PROX1: variants seen among roughly 807,000 people sequenced by gnomAD.
The protein encoded by PROX1 is prospero homeobox 1, also known as prospero homeobox protein 1.
Under a neutral mutation model 58.8 loss-of-function variants are expected in PROX1, and 7 were observed. The ratio of observed to expected loss-of-function variants is 0.12; its 90% CI spans 0.07 to 0.22. The LOEUF (loss-of-function observed/expected upper bound fraction) is 0.22, where lower values mean the gene tolerates loss of function less well. PROX1 is among the 10% of genes least tolerant of loss of function. The pLI is 1.00. For synonymous variants in PROX1, 350 were observed against 358.3 expected, an observed-to-expected ratio of 0.98 and a Z score of 0.26; for missense variants, 675 against 927.8, an observed-to-expected ratio of 0.73 and a Z score of 3.54.
intron 1 of PROX1, among the ~76,000 whole-genome samples, chr1:213,989,555 G>T (rs960247682): frequency 6.6e-6 from 1 of 151,944 alleles, no homozygotes; most frequent in Non-Finnish European, 1.5e-5. Context: ...GACAGGAGAG[G>T]TGAGAGTAAT....
At chr1:214,010,285 C>T (rs1159814751) in intron 3 of PROX1, among the ~76,000 whole-genome samples, 1 of 152,154 alleles carries the variant, frequency 6.6e-6, no homozygotes, top group Non-Finnish European at 1.5e-5. Flanking sequence ...TTGGGAGAAA[C>T]ACCAGTCTCT....
Position 214,036,961 on chromosome 1 carries a change from T to C in PROX1, c.*1127T>C, listed in dbSNP as rs889293222. On this transcript the variant is annotated 3_prime_UTR_variant, in exon 5 of 5. Transcript: ENST00000366958. ...GGTGACAGTCTAACTCAGTGTTTCT[T>C]CATTTTAGGTATAACATTTTAAAGC... The C allele has an allele frequency of 6.6e-6, 1 of 152,276 alleles. No homozygotes were observed. The highest frequency in any genetic ancestry group is 6.5e-5 in the Admixed American group (1 of 15,286). The allele number at this position is 152,276 out of a possible 1,614,324, so 9.4% of individuals were successfully genotyped here. A position where few individuals can be genotyped will look rare whatever the true frequency, so the allele number is the denominator to read the frequency against.
upstream of PROX1, chr1:213,984,563 C>G (rs1369438085): frequency 1.3e-5 from 2 of 152,338 alleles, no homozygotes; most frequent in Non-Finnish European, 2.9e-5. Context: ...CACTTCCCCC[C>G]CATTCAGAAC....
Position 213,994,750 on chromosome 1 carries a change from AATAT to A in PROX1, c.-67-1669_-67-1666del, listed in dbSNP as rs66460564. ...AAAGTATTTCATTCTCAAGCATGCA[AATAT>A]ATATATATATATATATATATATATA... On this transcript the variant is annotated intron_variant, in intron 1 of 4. Coordinates refer to ENST00000366958, the MANE Select transcript of PROX1 (RefSeq NM_001270616.2). 3.8e-3 allele frequency among the ~76,000 whole-genome samples: 334 copies of A among 88,078 alleles called. 1 individual carries two copies. The highest frequency in any genetic ancestry group is 6.0e-3 in the African/African-American group (145 of 23,974). The allele number at this position is 88,078 out of a possible 152,430, so 57.8% of individuals were successfully genotyped here. A position where few individuals can be genotyped will look rare whatever the true frequency, so the allele number is the denominator to read the frequency against.
At chr1:213,984,443 A>C (rs1249763735), upstream of PROX1, 1 of 152,172 alleles carries the variant, frequency 6.6e-6, no homozygotes, top group Non-Finnish European at 1.5e-5. Flanking sequence ...GCTTCTGTTT[A>C]CTTTGAAAGC....
At position 214,035,602 on chromosome 1, in the gene PROX1, T is replaced by A. The variant is rs1307094364; in HGVS notation, c.2029-47T>A. 3.2e-6 allele frequency: 5 copies of A among 1,557,188 alleles called. No homozygotes were observed. In the South Asian group the frequency reaches 6.2e-5, roughly 19 times the overall value. On this transcript the variant is annotated intron_variant, in intron 4 of 4. Coordinates refer to ENST00000366958, the MANE Select transcript of PROX1 (RefSeq NM_001270616.2). ...CAGTTTCCTTGGAATAACTGTAGAC[T>A]TGAAACTGAAAACTTTATTAATGCC...
At chr1:213,992,724 G>A (rs1663080642) in intron 1 of PROX1, among the ~76,000 whole-genome samples, 1 of 152,120 alleles carries the variant, frequency 6.6e-6, no homozygotes, top group Non-Finnish European at 1.5e-5. Context: ...TAAAAGATTT[G>A]TCTGAACTAT....
chr1:213,988,290 C>G lies in PROX1; in HGVS notation c.-261C>G, dbSNP rs1293738254. 2 of 152,700 alleles carry G rather than the reference C, an allele frequency of 1.3e-5. No individual in the cohort carries two copies. Among genetic ancestry groups the G allele is most frequent in the East Asian group, 1.9e-4 (1 of 5,174 alleles). 9.5% of individuals were successfully genotyped at this position (152,700 alleles called of 1,614,324 possible). ...TCCCCTCTCCCTCTCCCACTCGCCC[C>G]GCTCGCTCGCTCGCTGTCGCACAGA... On this transcript the variant is annotated 5_prime_UTR_variant, in exon 1 of 5. Coordinates refer to ENST00000366958, the MANE Select transcript of PROX1 (RefSeq NM_001270616.2).
rs1239396354 is a variant in PROX1 at position 214,038,338 on chromosome 1, G to A, written c.*2504G>A. 6.6e-6 allele frequency: 1 copy of A among 151,688 alleles called. No homozygotes were observed. The highest frequency in any genetic ancestry group is 1.5e-5 in the Non-Finnish European group (1 of 67,972). The allele number at this position is 151,688 out of a possible 1,614,324, so 9.4% of individuals were successfully genotyped here. A position where few individuals can be genotyped will look rare whatever the true frequency, so the allele number is the denominator to read the frequency against. ...AATCGAAATCTTGTGCCTCCCAAGT[G>A]CATTGGAAAATGACAAAAGCCTGTC... On this transcript the variant is annotated 3_prime_UTR_variant, in exon 5 of 5. Transcript: ENST00000366958.
intron 4 of PROX1, among the ~76,000 whole-genome samples, chr1:214,028,567 T>C (rs1212035148): frequency 6.6e-6 from 1 of 152,210 alleles, no homozygotes; most frequent in Admixed American, 6.5e-5. Context: ...TTTGCAGACA[T>C]TTATTAATCA....
Position 213,997,637 on chromosome 1 carries a change from G to A in PROX1, c.1102G>A (p.Val368Ile). ...CATGTCGCAAGTTGTGGACACTGTG[G>A]TCAAAGTCTTTTCGGCCAAGCCCTC... Reference protein sequence around the residue: ...TAMSQVVDTVVKVFSAKPSRQ... With the variant: ...TAMSQVVDTVIKVFSAKPSRQ... Residue 368 changes from valine (V) to isoleucine (I), a missense_variant, in exon 2 of 5, where the codon GTC becomes ATC. This residue lies in a region of PROX1 where 403 missense variants were observed against 477.4 expected (regional missense o/e 0.84). Coordinates refer to ENST00000366958, the MANE Select transcript of PROX1 (RefSeq NM_001270616.2). The surrounding 1 kb of genome is among the most constrained non-coding windows in gnomAD (Gnocchi z 7.1). The A allele has an allele frequency of 1.2e-6, 2 of 1,614,170 alleles. No homozygotes were observed. The highest frequency in any genetic ancestry group is 1.7e-6 in the Non-Finnish European group (2 of 1,180,038).
chr1:213,987,537 A>G (rs1662854577), upstream of PROX1: 1 of 146,614 alleles, frequency 6.8e-6, no homozygotes, highest in Non-Finnish European at 1.5e-5. Context: ...GATCAGCTGT[A>G]TCTGGGAAAT....
In PROX1 at chr1:214,001,533, G is replaced by T. The variant is rs577490328; in HGVS notation, c.1725+3273G>T. 2.0e-5 allele frequency among the ~76,000 whole-genome samples: 3 copies of T among 152,148 alleles called. No individual in the cohort carries two copies. The East Asian group carries it at 5.8e-4, about 29-fold the overall frequency. On this transcript the variant is annotated intron_variant, in intron 2 of 4. Coordinates refer to ENST00000366958, the MANE Select transcript of PROX1 (RefSeq NM_001270616.2). ...AAGCACAAGAGGAGTAGTATAAGCC[G>T]TTAAGACGTGCAGGTGAAGAAATTG...
intron 4 of PROX1, chr1:214,029,167 T>G (rs1664560001): frequency 6.6e-6 from 1 of 152,212 alleles, no homozygotes; most frequent in Admixed American, 6.5e-5. Flanking sequence ...GGTGAATGAA[T>G]GCTCGGGAAA....
At chr1:214,026,241 T>C (rs1321934291) in intron 4 of PROX1, among the ~76,000 whole-genome samples, 2 of 152,218 alleles carry the variant, frequency 1.3e-5, no homozygotes, top group African/African-American at 2.4e-5. Context: ...CGACCAATAA[T>C]GTGACAATTA....
upstream of PROX1, among the ~76,000 whole-genome samples, chr1:213,983,635 A>G (rs964517866): frequency 2.0e-5 from 3 of 152,200 alleles, no homozygotes; most frequent in Non-Finnish European, 4.4e-5. Context: ...GATGGTGGGC[A>G]AGAGTGTTGT....
At chr1:214,007,919 T>C (rs1663772446) in intron 3 of PROX1, among the ~76,000 whole-genome samples, 1 of 152,228 alleles carries the variant, frequency 6.6e-6, no homozygotes, top group Non-Finnish European at 1.5e-5. Flanking sequence ...GAACAAGATA[T>C]ATGCATGTAT....
chr1:214,001,131 A>G (rs1263214847), intron 2 of PROX1, among the ~76,000 whole-genome samples: 1 of 152,198 alleles, frequency 6.6e-6, no homozygotes, highest in Admixed American at 6.5e-5. Flanking sequence ...TGAACAAAGT[A>G]GCTAAGATAA....
rs1365072725 is a variant in PROX1 at position 214,038,887 on chromosome 1, G to A, written c.*3053G>A. On this transcript the variant is annotated 3_prime_UTR_variant, in exon 5 of 5. Coordinates refer to ENST00000366958, the MANE Select transcript of PROX1 (RefSeq NM_001270616.2). ...AAGAAGAGAATTTTTAGAACAGTTT[G>A]ATACCGCAAATTATTTTTTCCTCAA... The A allele has an allele frequency of 6.6e-6, 1 of 152,166 alleles. No homozygotes were observed. Among genetic ancestry groups the A allele is most frequent in the Non-Finnish European group, 1.5e-5 (1 of 68,024 alleles). The allele number at this position is 152,166 out of a possible 1,614,324, so 9.4% of individuals were successfully genotyped here. A position where few individuals can be genotyped will look rare whatever the true frequency, so the allele number is the denominator to read the frequency against.
Sources: gnomAD v4.1 joint callset for allele counts (sites outside exome capture counted in the v4.1 genomes callset) on GRCh38, gnomAD v4.1.1 for gene constraint, gnomAD v4.1.1 regional missense constraint, Gnocchi (gnomAD v3.1) non-coding constraint, MANE v1.5 for transcripts, NCBI Gene and HGNC (gene_info 2026-07-23, HGNC 2026-07-21) for gene names.